Variants in IKZF3 observed in about 807,000 individuals in gnomAD.
The protein encoded by IKZF3 is zinc finger protein Aiolos.
A neutral mutation model predicts 49.0 loss-of-function variants in IKZF3; 10 were observed. The observed-to-expected ratio is 0.20, with a 90% CI of 0.13 to 0.35. The LOEUF (loss-of-function observed/expected upper bound fraction) is 0.35, where lower values mean the gene tolerates loss of function less well. IKZF3 is among the 10% of genes least tolerant of loss of function. The pLI, the probability that IKZF3 is intolerant of heterozygous loss-of-function variation, is 1.00. For missense variants in IKZF3, 498 were observed against 664.8 expected, an observed-to-expected ratio of 0.75 and a Z score of 2.76; for synonymous variants, 209 against 228.2, an observed-to-expected ratio of 0.92 and a Z score of 0.76.
chr17:39,792,548 G>A lies in IKZF3; in HGVS notation c.424+125C>T. The A allele has an allele frequency of 4.3e-6, 4 of 937,836 alleles. No individual in the cohort carries two copies. In the South Asian group the frequency reaches 5.0e-5, roughly 12 times the overall value. 58.1% of individuals were successfully genotyped at this position (937,836 alleles called of 1,614,324 possible). A position where few individuals can be genotyped will look rare whatever the true frequency, so the allele number is the denominator to read the frequency against. On this transcript the variant is annotated intron_variant, in intron 4 of 7. Transcript: ENST00000346872. ...CTGAGTGAACAGCAATGCAGAGAGA[G>A]AGATACATCAGCATTATAGCAAAAA...
chr17:39,851,157 T>C (rs185003038), intron 1 of IKZF3, among the ~76,000 whole-genome samples: 127 of 151,266 alleles, frequency 8.4e-4, no homozygotes, highest in African/African-American at 2.7e-3. Flanking sequence ...CCTCCCAGTA[T>C]TGGGACTACA....
intron 1 of IKZF3, among the ~76,000 whole-genome samples, chr17:39,863,039 A>C (rs2063258334): frequency 6.6e-6 from 1 of 152,170 alleles, no homozygotes; most frequent in Admixed American, 6.5e-5. Context: ...GTAATAATTA[A>C]AGCATATGAG....
chr17:39,793,827 T>C (rs2061093026), intron 3 of IKZF3, among the ~76,000 whole-genome samples: 1 of 152,132 alleles, frequency 6.6e-6, no homozygotes, highest in Non-Finnish European at 1.5e-5. Context: ...ATACTCTTCA[T>C]GAAGAGCATA....
chr17:39,835,308 C>T (rs749986113), intron 1 of IKZF3: 27 of 542,258 alleles, frequency 5.0e-5, no homozygotes, highest in Non-Finnish European at 8.2e-5. Context: ...GAGCAGCTGA[C>T]GCGCCACGTC....
At chr17:39,850,696 T>C (rs1031768729) in intron 1 of IKZF3, among the ~76,000 whole-genome samples, 27 of 1,604 alleles carry the variant, frequency 0.017, no homozygotes, top group African/African-American at 0.046. Flanking sequence ...ATATTATATA[T>C]ACATTATATA....
intron 3 of IKZF3, among the ~76,000 whole-genome samples, chr17:39,824,599 C>T (rs759779978): frequency 3.3e-5 from 5 of 152,032 alleles, no homozygotes; most frequent in Non-Finnish European, 7.4e-5. Flanking sequence ...GAGAAGGACC[C>T]GGTGGGATTG....
chr17:39,817,956 A>G lies in IKZF3; in HGVS notation c.163+11431T>C, dbSNP rs556760210. 2.3e-4 allele frequency among the ~76,000 whole-genome samples: 35 copies of G among 152,286 alleles called. No individual in the cohort carries two copies. The South Asian group carries it at 6.6e-3, about 29-fold the overall frequency. ...GCTCCTTAATGATGGGATGCATTCT[A>G]AGCAGTGGATCATCAGGTGATTTCA... On this transcript the variant is annotated intron_variant, in intron 3 of 7. Transcript: ENST00000346872.
rs969328959 is a variant in IKZF3, at chr17:39,758,299, C to T, written c.*7491G>A. The T allele has an allele frequency of 6.6e-6, 1 of 152,180 alleles. No individual in the cohort carries two copies. Among genetic ancestry groups the T allele is most frequent in the African/African-American group, 2.4e-5 (1 of 41,430 alleles). The allele number at this position is 152,180 out of a possible 1,614,324, so 9.4% of individuals were successfully genotyped here. A position where few individuals can be genotyped will look rare whatever the true frequency, so the allele number is the denominator to read the frequency against. ...TGACCTGCTAATTCTTTGCAACCCA[C>T]AGTAATTTGGTTTCTGTGAACCCAC... On this transcript the variant is annotated 3_prime_UTR_variant, in exon 8 of 8. Transcript: ENST00000346872.
chr17:39,829,588 T>C (rs1337172523), intron 2 of IKZF3, 100 bp from the exon 3 acceptor site: 5 of 771,016 alleles, frequency 6.5e-6, no homozygotes, highest in Non-Finnish European at 1.1e-5. Context: ...CTTCACACAA[T>C]CCTTTAGTGA....
rs535316776 is a variant in IKZF3 at position 39,831,073 on chromosome 17, A to C, written c.61+1025T>G. 1.8e-4 allele frequency among the ~76,000 whole-genome samples: 27 copies of C among 152,164 alleles called. No individual in the cohort carries two copies. The East Asian group carries it at 2.3e-3, about 13-fold the overall frequency. ...TGGACACCTAAACAATTAATATGAGATTTAGGTTCAGTTAAAAGATGTGAT... is the reference window on the plus strand; with the variant it reads ...TGGACACCTAAACAATTAATATGAGCTTTAGGTTCAGTTAAAAGATGTGAT... On this transcript the variant is annotated intron_variant, in intron 2 of 7. Transcript: ENST00000346872.
chr17:39,804,314 G>C (rs1050955825), intron 3 of IKZF3, among the ~76,000 whole-genome samples: 5 of 152,214 alleles, frequency 3.3e-5, no homozygotes, highest in African/African-American at 1.2e-4. Context: ...TGGGCATAGT[G>C]GCACGCGCCT....
chr17:39,795,117 G>GAGCT (rs1184969063), intron 3 of IKZF3, among the ~76,000 whole-genome samples: 2 of 152,218 alleles, frequency 1.3e-5, no homozygotes, highest in Non-Finnish European at 2.9e-5. Flanking sequence ...GGACATAAGA[G>GAGCT]AGCTGCTCCT....
intron 7 of IKZF3, among the ~76,000 whole-genome samples, chr17:39,775,176 C>A (rs1256674738): frequency 6.6e-6 from 1 of 151,546 alleles, no homozygotes; most frequent in Non-Finnish European, 1.5e-5. Context: ...ATCCAGTACT[C>A]TTCTTATTGC....
chr17:39,835,752 G>A, intron 1 of IKZF3: 1 of 513,022 alleles, frequency 1.9e-6, no homozygotes, highest in South Asian at 1.5e-5. Flanking sequence ...GATCTTGTAA[G>A]CTTGCCATCC....
In IKZF3 at chr17:39,798,437, G is replaced by C. The variant is rs1490556792; in HGVS notation, c.164-5504C>G. On this transcript the variant is annotated intron_variant, in intron 3 of 7. Transcript: ENST00000346872. ...TCTTTAACTAAAGAGCTTCTAAGTA[G>C]TCTTATTTCTACTGCCTAAAAGATC... Among the ~76,000 whole-genome samples, 112 of 151,420 alleles carry C rather than the reference G, an allele frequency of 7.4e-4. 1 individual carries two copies. The highest frequency in any genetic ancestry group is 7.4e-3 in the Admixed American group (112 of 15,178).
rs537838905 is a variant in IKZF3, at chr17:39,853,164, T to G, written c.7+10956A>C. Among the ~76,000 whole-genome samples, 140 of 152,318 alleles carry G rather than the reference T, an allele frequency of 9.2e-4. 2 individuals carry two copies. The highest frequency in any genetic ancestry group is 9.2e-3 in the Admixed American group (140 of 15,296). On this transcript the variant is annotated intron_variant, in intron 1 of 7. Transcript: ENST00000346872. ...TATTTCAATTGTTATTACTTGTTCT[T>G]TGGTCTGTCTTCCTTACCTTACCAA...
At position 39,766,421 on chromosome 17, in the gene IKZF3, T is replaced by G. The variant is rs759009312; in HGVS notation, c.899A>C (p.Gln300Pro). The G allele has an allele frequency of 4.3e-6, 7 of 1,614,196 alleles. No individual in the cohort carries two copies. In the South Asian group the frequency reaches 7.7e-5, roughly 18 times the overall value. Residue 300 changes from glutamine (Q) to proline (P), a missense_variant, in exon 8 of 8, where the codon CAG becomes CCG. Physicochemically the swap from Gln to Pro is moderately conservative, Grantham distance 76 (BLOSUM62 -1). Coordinates refer to ENST00000346872, the MANE Select transcript of IKZF3 (RefSeq NM_012481.5). ...GATGGCTTGGTCCATCATGCGGGTC[T>G]GTATGAGCTCACTCTCTTTCTCATA... ...YMYEKESELI[Q>P]TRMMDQAINN...
At chr17:39,842,391 T>C (rs985636356) in intron 1 of IKZF3, among the ~76,000 whole-genome samples, 1 of 152,208 alleles carries the variant, frequency 6.6e-6, no homozygotes, top group African/African-American at 2.4e-5. Flanking sequence ...TAGCCAGGCA[T>C]GGTGGCGCAT....
At chr17:39,787,024 A>G (rs1182760870) in intron 6 of IKZF3, among the ~76,000 whole-genome samples, 2 of 152,180 alleles carry the variant, frequency 1.3e-5, no homozygotes, top group Non-Finnish European at 2.9e-5. Context: ...ATTTTTCCTG[A>G]GTTTCACATT....
Sources: gnomAD v4.1 joint callset for allele counts (sites outside exome capture counted in the v4.1 genomes callset) on GRCh38, gnomAD v4.1.1 for gene constraint, MANE v1.5 for transcripts, NCBI Gene and HGNC (gene_info 2026-07-23, HGNC 2026-07-21) for gene names.